The following NIBAN1 variants were observed in gnomAD, a reference collection of about 807,000 sequenced individuals.
NIBAN1 encodes the protein niban apoptosis regulator 1, also known as protein Niban 1.
NIBAN1 carries 81 observed loss-of-function variants against 75.1 expected under a neutral mutation model. That is an observed-to-expected ratio of 1.08 (90% confidence interval 0.90 to 1.30). The LOEUF (loss-of-function observed/expected upper bound fraction) is 1.30. Ranked by LOEUF, NIBAN1 falls within the 50% of genes most tolerant of loss-of-function variation. The probability of loss-of-function intolerance (pLI) is 0.00; values close to 1 mark genes in which losing one functional copy is unlikely to be tolerated. For synonymous variants in NIBAN1, 436 were observed against 424.8 expected (o/e 1.03, Z -0.32); for missense variants, 1,133 against 1,128.1 (o/e 1.00, Z -0.06).
At chr1:184,968,209 CAAA>C (rs1176738165) in intron 1 of NIBAN1, among the ~76,000 whole-genome samples, 2 of 8,808 alleles carry the variant, frequency 2.3e-4, no homozygotes, top group African/African-American at 7.7e-4. Flanking sequence ...GACTCCGTCT[CAAA>C]AAAAAAAAAA....
intron 12 of NIBAN1, among the ~76,000 whole-genome samples, chr1:184,801,751 C>A (rs1402665795): frequency 1.3e-5 from 2 of 152,204 alleles, no homozygotes; most frequent in Admixed American, 1.3e-4. Context: ...GCCTGGATCA[C>A]ATGTGATACA....
At chr1:184,843,879 A>G (rs1356747380) in intron 5 of NIBAN1, among the ~76,000 whole-genome samples, 1 of 152,146 alleles carries the variant, frequency 6.6e-6, no homozygotes, top group East Asian at 1.9e-4. Context: ...TGGCCATCAC[A>G]CACCCGGGTT....
chr1:184,864,790 C>T (rs1315646479), intron 5 of NIBAN1, among the ~76,000 whole-genome samples: 1 of 150,932 alleles, frequency 6.6e-6, no homozygotes, highest in Non-Finnish European at 1.5e-5. Context: ...CATGAATAGA[C>T]AATTCTCAGA....
intron 1 of NIBAN1, among the ~76,000 whole-genome samples, chr1:184,931,446 CTTA>C (rs1657820439): frequency 6.6e-6 from 1 of 152,140 alleles, no homozygotes; most frequent in South Asian, 2.1e-4. Context: ...CTAAGATTTA[CTTA>C]TAGTGTTAAA....
intron 1 of NIBAN1, among the ~76,000 whole-genome samples, chr1:184,948,354 A>T (rs75212030): frequency 6.6e-6 from 1 of 152,128 alleles, no homozygotes; most frequent in African/African-American, 2.4e-5. Flanking sequence ...GAACACAAAA[A>T]GGGTAGGAAA....
rs765547254 is a variant in NIBAN1, at chr1:184,821,851, G to A, written c.985+1316C>T. On this transcript the variant is annotated intron_variant, in intron 8 of 13. Transcript: ENST00000367511. ...TAGAGCTGGCTTTGGAAAGGATGGC[G>A]TAAATAGACACCCAGAGATACACAG... is the stretch of plus-strand genomic sequence containing the variant. 5.3e-5 allele frequency among the ~76,000 whole-genome samples: 8 copies of A among 152,242 alleles called. No individual in the cohort carries two copies. The South Asian group carries it at 8.3e-4, about 16-fold the overall frequency.
Position 184,952,464 on chromosome 1 carries a change from C to A in NIBAN1, c.55+21838G>T, listed in dbSNP as rs540075465. Among the ~76,000 whole-genome samples the A allele has an allele frequency of 1.3e-4, 20 of 152,214 alleles. No homozygotes were observed. In the South Asian group the frequency reaches 4.1e-3, roughly 32 times the overall value. On this transcript the variant is annotated intron_variant, in intron 1 of 13. Coordinates refer to ENST00000367511, the MANE Select transcript of NIBAN1 (RefSeq NM_052966.4). ...ACGTTTGAGGTTTTAAGGGCTAAAC[C>A]AGGGGTGTCCAGTCTTTGGGATTCC...
chr1:184,844,296 C>A (rs1168854625), intron 5 of NIBAN1, among the ~76,000 whole-genome samples: 7 of 152,178 alleles, frequency 4.6e-5, no homozygotes, highest in African/African-American at 1.4e-4. Flanking sequence ...CATGAGAGAA[C>A]AAATCACTGG....
At chr1:184,800,261 A>T (rs1480964159) in intron 12 of NIBAN1, among the ~76,000 whole-genome samples, 3 of 149,380 alleles carry the variant, frequency 2.0e-5, no homozygotes, top group African/African-American at 7.4e-5. Flanking sequence ...GATTCTGGAT[A>T]TTAGCCCTTT....
At chr1:184,825,751 C>A (rs933171278) in intron 6 of NIBAN1, among the ~76,000 whole-genome samples, 1 of 152,200 alleles carries the variant, frequency 6.6e-6, no homozygotes, top group Non-Finnish European at 1.5e-5. Context: ...ACTTTCACCA[C>A]GAGTCTTTCA....
intron 11 of NIBAN1, among the ~76,000 whole-genome samples, chr1:184,805,316 T>C: frequency 6.6e-6 from 1 of 152,228 alleles, no homozygotes; most frequent in South Asian, 2.1e-4. Context: ...TGAGCTTAAT[T>C]AAGTCACATT....
chr1:184,816,003 CA>C (rs1196727406), intron 9 of NIBAN1, among the ~76,000 whole-genome samples: 1 of 152,146 alleles, frequency 6.6e-6, no homozygotes, highest in Non-Finnish European at 1.5e-5. Context: ...ATTGGCTAAA[CA>C]GAAAAGTACC....
At chr1:184,860,269 G>T (rs564699996) in intron 5 of NIBAN1, among the ~76,000 whole-genome samples, 3 of 151,310 alleles carry the variant, frequency 2.0e-5, no homozygotes, top group African/African-American at 7.3e-5. Context: ...ATAGCACTGC[G>T]GCGGGGGCGG....
At chr1:184,955,307 T>TTTTCCTTTCTTTTCCTTTCC (rs1658455656) in intron 1 of NIBAN1, among the ~76,000 whole-genome samples, 1 of 94,520 alleles carries the variant, frequency 1.1e-5, no homozygotes, top group African/African-American at 3.9e-5. Context: ...TTTTCTTTTC[T>TTTTCCTTTCTTTTCCTTTCC]TTTCCTTTCC....
chr1:184,873,872 T>C (rs1396849947), intron 5 of NIBAN1, among the ~76,000 whole-genome samples: 1 of 152,138 alleles, frequency 6.6e-6, no homozygotes. Context: ...GAGAGTATAG[T>C]AAAAGTTTTT....
chr1:184,870,223 A>G (rs1656069710), intron 5 of NIBAN1, among the ~76,000 whole-genome samples: 1 of 152,218 alleles, frequency 6.6e-6, no homozygotes, highest in African/African-American at 2.4e-5. Flanking sequence ...TAAATGAGTA[A>G]TATCTTCTGA....
intron 1 of NIBAN1, among the ~76,000 whole-genome samples, chr1:184,923,690 C>T (rs1571577269): frequency 3.3e-5 from 5 of 152,110 alleles, no homozygotes; most frequent in African/African-American, 1.2e-4. Context: ...ATTAATAATT[C>T]CAACCCATGA....
Position 184,974,458 on chromosome 1 carries a change from G to A in NIBAN1, c.-102C>T, listed in dbSNP as rs967347328. On this transcript the variant is annotated 5_prime_UTR_variant, in exon 1 of 14. Coordinates refer to ENST00000367511, the MANE Select transcript of NIBAN1 (RefSeq NM_052966.4). ...GGCGAACCCGGCTCTGAAATTAAGA[G>A]CAAACTTCCTTCGAGAGGCGAGAGA... 1.4e-6 allele frequency: 2 copies of A among 1,432,886 alleles called. No individual in the cohort carries two copies. Among genetic ancestry groups the A allele is most frequent in the African/African-American group, 1.5e-5 (1 of 68,318 alleles). The allele number at this position is 1,432,886 out of a possible 1,614,324, so 88.8% of individuals were successfully genotyped here. A position where few individuals can be genotyped will look rare whatever the true frequency, so the allele number is the denominator to read the frequency against.
intron 4 of NIBAN1, chr1:184,887,855 C>G (rs1656566312): frequency 6.6e-6 from 1 of 152,156 alleles, no homozygotes; most frequent in South Asian, 2.1e-4. Context: ...TCTGTATCAA[C>G]TTAGCTGAAC....
Sources: allele counts gnomAD v4.1 joint callset (sites outside exome capture counted in the v4.1 genomes callset), GRCh38; gene constraint gnomAD v4.1.1; transcripts MANE v1.5; gene names NCBI Gene and HGNC (gene_info 2026-07-23, HGNC 2026-07-21).